The following ZNF362 variants were observed in gnomAD, a reference collection of about 807,000 sequenced individuals.
ZNF362 encodes zinc finger protein 362.
A neutral mutation model predicts 42.9 loss-of-function variants in ZNF362; 11 were observed. That is an observed-to-expected ratio of 0.26 (90% confidence interval 0.16 to 0.42). The LOEUF (loss-of-function observed/expected upper bound fraction) is 0.42. Ranked by LOEUF, ZNF362 falls within the 20% of genes least tolerant of loss-of-function variation. The pLI is 1.00. For missense variants in ZNF362, 362 were observed against 576.2 expected, an observed-to-expected ratio of 0.63 and a Z score of 3.81; for synonymous variants, 255 against 257.3, an observed-to-expected ratio of 0.99 and a Z score of 0.09.
chr1:33,267,954 A>C (rs984610224), intron 1 of ZNF362, among the ~76,000 whole-genome samples: 4 of 152,234 alleles, frequency 2.6e-5, no homozygotes, highest in East Asian at 1.9e-4. Context: ...TGATTGTTAC[A>C]GTTTACACTC....
At chr1:33,164,166 G>A in the ZNF362 span, 107 of 152,358 alleles carry the variant, frequency 7.0e-4, 1 homozygote, top group Non-Finnish European at 1.2e-3. Context: ...TGTTGCCCCC[G>A]AGGGTCCTGC....
At chr1:33,181,008 C>T in the ZNF362 span, 1 of 1,318,782 alleles carries the variant, frequency 7.6e-7, no homozygotes, top group Non-Finnish European at 1.0e-6. This position sits in a 1 kb window ranked among gnomAD's most constrained non-coding sequence, Gnocchi z 6.5. Flanking sequence ...CTTCCCCAGG[C>T]AGGCCGGGTA....
At chr1:33,183,816 A>G in the ZNF362 span, among the ~76,000 whole-genome samples, 1 of 152,228 alleles carries the variant, frequency 6.6e-6, no homozygotes, top group Non-Finnish European at 1.5e-5. Context: ...AGGGAGGGCA[A>G]GGCCAAGAGA....
At chr1:33,229,405 C>CTTT in the ZNF362 span, among the ~76,000 whole-genome samples, 1 of 136,504 alleles carries the variant, frequency 7.3e-6, no homozygotes, top group African/African-American at 2.7e-5. Context: ...TCTATTCTGC[C>CTTT]TTTTTTTTTT....
chr1:33,154,667 G>T, the ZNF362 span, among the ~76,000 whole-genome samples: 1 of 151,324 alleles, frequency 6.6e-6, no homozygotes, highest in African/African-American at 2.4e-5. Flanking sequence ...GTGCAGTGGC[G>T]TGTGCCTGTA....
At chr1:33,202,816 T>C in the ZNF362 span, among the ~76,000 whole-genome samples, 1 of 151,976 alleles carries the variant, frequency 6.6e-6, no homozygotes, top group African/African-American at 2.4e-5. Context: ...AATAGTGGAG[T>C]TCCTCAGCCC....
intron 6 of ZNF362, among the ~76,000 whole-genome samples, chr1:33,289,884 C>T (rs945522531): frequency 1.3e-5 from 2 of 152,030 alleles, no homozygotes; most frequent in East Asian, 1.9e-4. Context: ...CGAGGTGGGC[C>T]GCAGGGAGCC....
chr1:33,291,591 A>G (rs1271548596), intron 6 of ZNF362, among the ~76,000 whole-genome samples: 3 of 152,120 alleles, frequency 2.0e-5, no homozygotes, highest in East Asian at 3.9e-4. Context: ...GTTTTTTCCA[A>G]TTCTGTGAAG....
chr1:33,177,045 A>ACACACG, the ZNF362 span, among the ~76,000 whole-genome samples: 1 of 58,068 alleles, frequency 1.7e-5, no homozygotes. This position sits in a 1 kb window ranked among gnomAD's most constrained non-coding sequence, Gnocchi z 4.1. Context: ...ACATGCACAC[A>ACACACG]CACACGCACA....
the ZNF362 span, chr1:33,158,393 C>T: frequency 6.2e-7 from 1 of 1,602,710 alleles, no homozygotes; most frequent in Non-Finnish European, 8.5e-7. Context: ...GGAAAGGGGG[C>T]TGCACCAGGG....
the ZNF362 span, among the ~76,000 whole-genome samples, chr1:33,193,002 CACATATAT>C: frequency 1.9e-4 from 4 of 20,918 alleles, no homozygotes; most frequent in Non-Finnish European, 4.3e-4. Context: ...CACACACACA[CACATATAT>C]ATATATATAT....
the ZNF362 span, among the ~76,000 whole-genome samples, chr1:33,226,088 C>T: frequency 6.6e-6 from 1 of 152,142 alleles, no homozygotes; most frequent in Non-Finnish European, 1.5e-5. Context: ...GAGGCACATA[C>T]CTGACCAAAA....
chr1:33,275,329 A>G, intron 2 of ZNF362: 1 of 985,464 alleles, frequency 1.0e-6, no homozygotes, highest in South Asian at 4.7e-5. Context: ...AACTTGCCAG[A>G]GGTGAGGGCC....
chr1:33,225,921 A>C, the ZNF362 span, among the ~76,000 whole-genome samples: 1 of 152,200 alleles, frequency 6.6e-6, no homozygotes, highest in Non-Finnish European at 1.5e-5. Flanking sequence ...CATTTACTGC[A>C]GTGTTCCCCA....
upstream of ZNF362, among the ~76,000 whole-genome samples, chr1:33,254,857 T>C (rs1295799728): frequency 1.3e-5 from 2 of 152,162 alleles, no homozygotes; most frequent in Admixed American, 1.3e-4. Context: ...ACAGACAATT[T>C]GTCTCTTCTC....
the ZNF362 span, chr1:33,195,377 A>G: frequency 1.3e-5 from 2 of 152,230 alleles, no homozygotes; most frequent in Non-Finnish European, 2.9e-5. Flanking sequence ...ACCTGGAACA[A>G]CAAATAAAAC....
chr1:33,181,323 T>C, the ZNF362 span: 9 of 1,572,614 alleles, frequency 5.7e-6, no homozygotes, highest in Non-Finnish European at 7.7e-6. The surrounding 1 kb of genome is among the most constrained non-coding windows in gnomAD (Gnocchi z 6.5). Context: ...CACCCAGTGC[T>C]CCGTGATGCA....
At chr1:33,167,487 C>T in the ZNF362 span, among the ~76,000 whole-genome samples, 2 of 152,188 alleles carry the variant, frequency 1.3e-5, no homozygotes, top group South Asian at 4.1e-4. This position sits in a 1 kb window ranked among gnomAD's most constrained non-coding sequence, Gnocchi z 4.2. Flanking sequence ...CAGTTGTTCT[C>T]CTGTCTGTCT....
chr1:33,175,992 G>C, the ZNF362 span, among the ~76,000 whole-genome samples: 1 of 152,136 alleles, frequency 6.6e-6, no homozygotes. Context: ...AGGTATCCTG[G>C]CTGCCCAGAC....
Sources: gnomAD v4.1 joint callset for allele counts (sites outside exome capture counted in the v4.1 genomes callset) on GRCh38, gnomAD v4.1.1 for gene constraint, Gnocchi (gnomAD v3.1) non-coding constraint, MANE v1.5 for transcripts, NCBI Gene and HGNC (gene_info 2026-07-23, HGNC 2026-07-21) for gene names.